The following ARK2C variants were observed in gnomAD, a reference collection of about 807,000 sequenced individuals.
The protein encoded by ARK2C is arkadia (RNF111) C-terminal like ring finger ubiquitin ligase 2C.
chr18:46,390,657 C>T, the ARK2C span, among the ~76,000 whole-genome samples: 1 of 152,170 alleles, frequency 6.6e-6, no homozygotes, highest in African/African-American at 2.4e-5. Flanking sequence ...AGTCCATCAG[C>T]CCCCATTCAG....
At chr18:46,435,398 T>C in the ARK2C span, 1 of 1,610,584 alleles carries the variant, frequency 6.2e-7, no homozygotes, top group Non-Finnish European at 8.5e-7. Context: ...CACTGACTGG[T>C]GAGTCTTCAG....
At chr18:46,452,269 C>G in the ARK2C span, among the ~76,000 whole-genome samples, 1 of 152,044 alleles carries the variant, frequency 6.6e-6, no homozygotes, top group Admixed American at 6.6e-5. Context: ...AAACACTGTA[C>G]TTTTTGCTTA....
the ARK2C span, chr18:46,447,393 T>C: frequency 1.4e-6 from 1 of 693,886 alleles, no homozygotes; most frequent in Non-Finnish European, 2.5e-6. Flanking sequence ...TCTCTGAGTC[T>C]CTGTTTCCTT....
chr18:46,421,621 G>C, the ARK2C span, among the ~76,000 whole-genome samples: 8 of 152,294 alleles, frequency 5.3e-5, no homozygotes, highest in African/African-American at 1.9e-4. Flanking sequence ...GTCCCATTAT[G>C]CACAGAGGTT....
the ARK2C span, among the ~76,000 whole-genome samples, chr18:46,444,638 A>ATTTT: frequency 4.8e-4 from 67 of 139,250 alleles, 1 homozygote; most frequent in African/African-American, 1.6e-3. Flanking sequence ...TAATTTAAAC[A>ATTTT]TTTTTTTTTT....
At chr18:46,449,742 A>G in the ARK2C span, among the ~76,000 whole-genome samples, 7 of 152,126 alleles carry the variant, frequency 4.6e-5, no homozygotes, top group African/African-American at 7.2e-5. Flanking sequence ...GCTTTCCACC[A>G]TGGCTGTAGG....
the ARK2C span, among the ~76,000 whole-genome samples, chr18:46,395,104 A>G: frequency 1.2e-4 from 18 of 152,230 alleles, no homozygotes; most frequent in Non-Finnish European, 1.9e-4. Flanking sequence ...AACGCTGACT[A>G]GCTGGACTCC....
At chr18:46,399,310 T>C in the ARK2C span, among the ~76,000 whole-genome samples, 47 of 152,196 alleles carry the variant, frequency 3.1e-4, no homozygotes, top group Non-Finnish European at 6.5e-4. Context: ...GGACGTGGGC[T>C]GCGCTTGCAT....
the ARK2C span, among the ~76,000 whole-genome samples, chr18:46,427,117 AG>A: frequency 1.3e-5 from 2 of 152,360 alleles, no homozygotes; most frequent in East Asian, 3.9e-4. Flanking sequence ...TTCCCTTCTC[AG>A]CAGGGTGCTG....
chr18:46,403,029 G>A, the ARK2C span, among the ~76,000 whole-genome samples: 3 of 141,750 alleles, frequency 2.1e-5, no homozygotes, highest in African/African-American at 5.7e-5. Context: ...CTCAGAACAC[G>A]AGACTCACTT....
chr18:46,386,683 T>C, the ARK2C span: 1 of 152,238 alleles, frequency 6.6e-6, no homozygotes, highest in Admixed American at 6.5e-5. Flanking sequence ...ACAGGATCTT[T>C]TCCCTGTCCC....
the ARK2C span, among the ~76,000 whole-genome samples, chr18:46,447,010 T>A: frequency 6.6e-6 from 1 of 152,218 alleles, no homozygotes; most frequent in Admixed American, 6.5e-5. Context: ...ATTTTCCAAA[T>A]TAGCCATTGG....
At chr18:46,449,472 C>G in the ARK2C span, among the ~76,000 whole-genome samples, 1 of 152,178 alleles carries the variant, frequency 6.6e-6, no homozygotes, top group Non-Finnish European at 1.5e-5. Flanking sequence ...AGCCTTGAAC[C>G]ACCAAGCTTC....
At chr18:46,366,204 C>G in the ARK2C span, among the ~76,000 whole-genome samples, 2 of 146,856 alleles carry the variant, frequency 1.4e-5, no homozygotes, top group Non-Finnish European at 3.0e-5. Context: ...AGGCAGGAGA[C>G]TCGCTTGAAC....
At chr18:46,452,462 T>C in the ARK2C span, among the ~76,000 whole-genome samples, 1 of 151,988 alleles carries the variant, frequency 6.6e-6, no homozygotes. Context: ...ATATTTTTAG[T>C]AGAGATGGGG....
the ARK2C span, among the ~76,000 whole-genome samples, chr18:46,402,761 A>G: frequency 9.2e-5 from 14 of 152,160 alleles, no homozygotes; most frequent in Non-Finnish European, 2.9e-5. Context: ...TTGGCCTCCC[A>G]AAGTACTGGG....
the ARK2C span, among the ~76,000 whole-genome samples, chr18:46,389,735 C>CTT: frequency 6.8e-6 from 1 of 147,004 alleles, no homozygotes; most frequent in East Asian, 2.0e-4. Context: ...CATTTCTTTC[C>CTT]TTTTTTTTTT....
chr18:46,456,737 G>A, the ARK2C span: 27 of 812,074 alleles, frequency 3.3e-5, no homozygotes, highest in African/African-American at 4.6e-4. Flanking sequence ...TTGACGTAGA[G>A]GAAAAGCCTG....
chr18:46,388,258 T>C, the ARK2C span, among the ~76,000 whole-genome samples: 6 of 152,070 alleles, frequency 3.9e-5, no homozygotes, highest in Non-Finnish European at 7.3e-5. Flanking sequence ...ACTCGAAGAT[T>C]CACCACTCAT....
Sources: allele counts gnomAD v4.1 joint callset (sites outside exome capture counted in the v4.1 genomes callset), GRCh38; gene constraint gnomAD v4.1.1; transcripts MANE v1.5; gene names NCBI Gene and HGNC (gene_info 2026-07-23, HGNC 2026-07-21).